The following SNRPN variants were observed in gnomAD, a reference collection of about 807,000 sequenced individuals.
SNRPN encodes small nuclear ribonucleoprotein polypeptide N.
In SNRPN, 7 loss-of-function variants were observed where a neutral mutation model predicts 25.2. The ratio of observed to expected loss-of-function variants is 0.28; its 90% confidence interval spans 0.16 to 0.52. The LOEUF is 0.52. Ranked by LOEUF, SNRPN falls within the 20% of genes least tolerant of loss-of-function variation. SNRPN has a pLI of 0.96. For synonymous variants in SNRPN, 124 were observed against 110.6 expected (o/e 1.12, Z -0.76); for missense variants, 196 against 322.5 (o/e 0.61, Z 3.00).
chr15:24,876,543 G>T (rs974406836), intron 1 of SNRPN, among the ~76,000 whole-genome samples: 1 of 151,290 alleles, frequency 6.6e-6, no homozygotes, highest in East Asian at 1.9e-4. Flanking sequence ...CTTGAGCCCA[G>T]GAGGCAGAGG....
At chr15:24,954,816 G>T (rs1198214118), upstream of SNRPN, 13 of 604,810 alleles carry the variant, frequency 2.1e-5, no homozygotes, top group Non-Finnish European at 3.2e-5. Flanking sequence ...CAGTGCTGTG[G>T]GGCCCTAGGG....
intron 3 of SNRPN, among the ~76,000 whole-genome samples, chr15:24,936,939 A>G (rs979432561): frequency 6.6e-6 from 1 of 152,170 alleles, no homozygotes; most frequent in Non-Finnish European, 1.5e-5. Context: ...GTATCTTGCC[A>G]GTAACTTATA....
chr15:24,916,182 G>T (rs745415916), intron 2 of SNRPN, among the ~76,000 whole-genome samples: 1 of 151,982 alleles, frequency 6.6e-6, no homozygotes, highest in Non-Finnish European at 1.5e-5. Flanking sequence ...GGCTAGTCTT[G>T]AACTCCTGAC....
chr15:24,846,780 G>A (rs1733225126), intron 2 of SNRPN, among the ~76,000 whole-genome samples: 1 of 152,098 alleles, frequency 6.6e-6, no homozygotes, highest in Admixed American at 6.6e-5. Context: ...AAGAAATTTT[G>A]TTCTGTGTCA....
At chr15:24,902,100 GCATTTCCGTTGCATTTTTGTGAA>G (rs2151517846) in intron 2 of SNRPN, among the ~76,000 whole-genome samples, 1 of 152,292 alleles carries the variant, frequency 6.6e-6, no homozygotes, top group African/African-American at 2.4e-5. Flanking sequence ...AATGGAAATA[GCATTTCCGTTGCATTTTTGTGAA>G]CAAAATTTGA....
At chr15:24,863,444 T>A (rs993567286) in intron 1 of SNRPN, among the ~76,000 whole-genome samples, 2 of 148,604 alleles carry the variant, frequency 1.3e-5, no homozygotes, top group Non-Finnish European at 2.9e-5. Flanking sequence ...ACTGTCTCCA[T>A]GGACATACAG....
intron 2 of SNRPN, among the ~76,000 whole-genome samples, chr15:24,839,425 T>C (rs2051486563): frequency 6.6e-6 from 1 of 152,030 alleles, no homozygotes; most frequent in Admixed American, 6.6e-5. Flanking sequence ...GCGTGCATAT[T>C]TTTTGTCCTT....
chr15:24,923,273 A>G (rs1432271775), intron 3 of SNRPN, among the ~76,000 whole-genome samples: 1 of 152,174 alleles, frequency 6.6e-6, no homozygotes, highest in Non-Finnish European at 1.5e-5. Flanking sequence ...CAACACTGCA[A>G]TCGTAATCAC....
chr15:24,939,684 C>T (rs1254622087), intron 3 of SNRPN, among the ~76,000 whole-genome samples: 3 of 151,686 alleles, frequency 2.0e-5, no homozygotes, highest in Non-Finnish European at 2.9e-5. Flanking sequence ...CCACCCACCT[C>T]GGCCTCCCAA....
intron 3 of SNRPN, among the ~76,000 whole-genome samples, chr15:24,940,739 C>G (rs962307439): frequency 6.6e-6 from 1 of 151,896 alleles, no homozygotes; most frequent in Non-Finnish European, 1.5e-5. Context: ...AAATTTTCCT[C>G]TAAAGGAGCT....
At chr15:24,863,571 T>G (rs544231593) in intron 1 of SNRPN, among the ~76,000 whole-genome samples, 1 of 150,954 alleles carries the variant, frequency 6.6e-6, no homozygotes, top group South Asian at 2.1e-4. Context: ...TTCTACCACA[T>G]GTACCCTTTC....
chr15:24,968,054 C>G lies in SNRPN; in HGVS notation c.-172C>G, dbSNP rs372124469. 3.7e-6 allele frequency: 6 copies of G among 1,608,662 alleles called. No homozygotes were observed. Among genetic ancestry groups the G allele is most frequent in the Non-Finnish European group, 4.3e-6 (5 of 1,175,202 alleles). ...GGTGGTTAAAGCCATATTGGAGTAG[C>G]GAGGAATCTGATTCCAAGCAAAAAC... On this transcript the variant is annotated 5_prime_UTR_variant, in exon 3 of 10. Coordinates refer to ENST00000390687, the MANE Select transcript of SNRPN (RefSeq NM_003097.6).
chr15:24,894,440 T>C (rs543528901), intron 2 of SNRPN, among the ~76,000 whole-genome samples: 26 of 152,140 alleles, frequency 1.7e-4, no homozygotes, highest in East Asian at 1.2e-3. Context: ...GGATGTGTCT[T>C]GATCTCCTGA....
intron 2 of SNRPN, chr15:24,849,011 GTTCTGCCGCCGACTCCCTGGTTCAAGCAA>G (rs1324584020): frequency 6.6e-6 from 1 of 152,162 alleles, no homozygotes; most frequent in Non-Finnish European, 1.5e-5. Flanking sequence ...GGTTCAGGCA[GTTCTGCCGCCGACTCCCTGGTTCAAGCAA>G]TTCTGCCTCA....
intron 2 of SNRPN, among the ~76,000 whole-genome samples, chr15:24,889,749 G>A (rs61999131): frequency 0.54 from 81,702 of 151,524 alleles, 22,508 homozygotes; most frequent in African/African-American, 0.62. Flanking sequence ...AGTGCAGGGG[G>A]TCAGAATAGG....
At chr15:24,886,068 G>A (rs1311356337) in intron 1 of SNRPN, among the ~76,000 whole-genome samples, 2 of 152,102 alleles carry the variant, frequency 1.3e-5, no homozygotes, top group African/African-American at 2.4e-5. Flanking sequence ...GTCAGGCTCC[G>A]GAACGTTCTC....
intron 3 of SNRPN, among the ~76,000 whole-genome samples, chr15:24,946,386 A>G (rs1190490090): frequency 6.6e-6 from 1 of 152,208 alleles, no homozygotes; most frequent in African/African-American, 2.4e-5. Context: ...TAGCCTGGGT[A>G]ACAGAGTGAG....
chr15:24,978,683 T>G lies in SNRPN; in HGVS notation c.*239T>G. Reference sequence around the variant, plus strand: ...ATTAAGCAGTTGATTCAAATCATATTCTCTTTAATTCTTAGGATAAAAAGG... The same window carrying G: ...ATTAAGCAGTTGATTCAAATCATATGCTCTTTAATTCTTAGGATAAAAAGG... On this transcript the variant is annotated 3_prime_UTR_variant, in exon 10 of 10. Coordinates refer to ENST00000390687, the MANE Select transcript of SNRPN (RefSeq NM_003097.6). 5.5e-6 allele frequency: 3 copies of G among 549,598 alleles called. No individual in the cohort carries two copies. The highest frequency in any genetic ancestry group is 9.6e-6 in the Non-Finnish European group (3 of 312,770). The allele number at this position is 549,598 out of a possible 1,614,324, so 34.0% of individuals were successfully genotyped here.
At chr15:24,957,461 G>A (rs1321235774) in intron 1 of SNRPN, among the ~76,000 whole-genome samples, 1 of 152,124 alleles carries the variant, frequency 6.6e-6, no homozygotes, top group Non-Finnish European at 1.5e-5. Flanking sequence ...TGGTGAGAAA[G>A]GTTAATGAAT....
Sources: gnomAD v4.1 joint callset for allele counts (sites outside exome capture counted in the v4.1 genomes callset) on GRCh38, gnomAD v4.1.1 for gene constraint, MANE v1.5 for transcripts, NCBI Gene and HGNC (gene_info 2026-07-23, HGNC 2026-07-21) for gene names.